Variants in LITAF observed in about 807,000 individuals in gnomAD.
LITAF encodes the protein lipopolysaccharide induced TNF factor.
LITAF carries 9 observed loss-of-function variants against 14.5 expected under a neutral mutation model. The observed-to-expected ratio is 0.62, with a 90% CI of 0.37 to 1.08. The LOEUF (loss-of-function observed/expected upper bound fraction) is 1.08. Among genes scored for constraint, LITAF ranks in the 50% least tolerant of loss-of-function variants. The pLI is 0.01. For missense variants in LITAF, 206 were observed against 213.4 expected, an observed-to-expected ratio of 0.97 and a Z score of 0.22; for synonymous variants, 98 against 88.2, an observed-to-expected ratio of 1.11 and a Z score of -0.62.
In LITAF at chr16:11,635,938, G is replaced by A. The variant is rs78375060; in HGVS notation, c.-134C>T. 2.8e-3 allele frequency: 431 copies of A among 152,436 alleles called. 1 individual carries two copies. The highest frequency in any genetic ancestry group is 3.9e-3 in the Non-Finnish European group (266 of 68,140). The allele number at this position is 152,436 out of a possible 1,614,324, so 9.4% of individuals were successfully genotyped here. A position where few individuals can be genotyped will look rare whatever the true frequency, so the allele number is the denominator to read the frequency against. On this transcript the variant is annotated 5_prime_UTR_variant, in exon 2 of 4. Coordinates refer to the LITAF transcript ENST00000574848. ...ACAAAGACACGGGGTATTTACAGGA[G>A]ATGTGGCTGGAGGGTCTGGAAGAAC...
chr16:11,636,608 TC>T, upstream of LITAF, among the ~76,000 whole-genome samples: 1 of 152,220 alleles, frequency 6.6e-6, no homozygotes, highest in Non-Finnish European at 1.5e-5. Context: ...TGTTGCCTGT[TC>T]CTTTACGGTA....
intron 1 of LITAF, among the ~76,000 whole-genome samples, chr16:11,576,686 G>C (rs2064642224): frequency 6.6e-6 from 1 of 152,026 alleles, no homozygotes. Context: ...AACACAATTT[G>C]CTACTTCAAA....
At chr16:11,633,145 T>C (rs1232406703) in intron 3 of LITAF, among the ~76,000 whole-genome samples, 1 of 152,158 alleles carries the variant, frequency 6.6e-6, no homozygotes, top group Non-Finnish European at 1.5e-5. Context: ...GGAGGCAAGA[T>C]GGGTAGACAT....
upstream of LITAF, among the ~76,000 whole-genome samples, chr16:11,639,126 G>T (rs899684692): frequency 1.3e-5 from 2 of 151,858 alleles, no homozygotes; most frequent in African/African-American, 4.8e-5. Context: ...GTTAGAGGGA[G>T]ACAGGAATGG....
intron 3 of LITAF, among the ~76,000 whole-genome samples, chr16:11,552,915 A>C (rs1031776904): frequency 3.3e-5 from 5 of 151,954 alleles, no homozygotes; most frequent in African/African-American, 1.2e-4. Flanking sequence ...GGAGTTCGAG[A>C]CCAGCCTGGC....
intron 3 of LITAF, among the ~76,000 whole-genome samples, chr16:11,623,253 G>A (rs916688085): frequency 1.3e-5 from 2 of 151,778 alleles, no homozygotes; most frequent in African/African-American, 2.4e-5. Context: ...GAGCCACCGC[G>A]CCCGGCCGAA....
upstream of LITAF, among the ~76,000 whole-genome samples, chr16:11,589,528 A>T (rs1455143790): frequency 6.6e-6 from 1 of 152,212 alleles, no homozygotes; most frequent in Non-Finnish European, 1.5e-5. Context: ...TATATGTAAG[A>T]ACCCTAAAGA....
At chr16:11,575,738 C>T (rs528810723) in intron 1 of LITAF, among the ~76,000 whole-genome samples, 2 of 152,250 alleles carry the variant, frequency 1.3e-5, no homozygotes, top group African/African-American at 4.8e-5. Context: ...TGTCTTCTCC[C>T]GAGAACACAA....
intron 1 of LITAF, among the ~76,000 whole-genome samples, chr16:11,592,456 G>A (rs1447982721): frequency 6.6e-6 from 1 of 151,730 alleles, no homozygotes; most frequent in Non-Finnish European, 1.5e-5. Context: ...GGCACCTGTG[G>A]TCCCAGCTAC....
chr16:11,613,466 G>A (rs573410991), intron 3 of LITAF, among the ~76,000 whole-genome samples: 2 of 152,338 alleles, frequency 1.3e-5, no homozygotes, highest in South Asian at 4.2e-4. Flanking sequence ...TGAGGTGCCA[G>A]AGTGTGTTGT....
chr16:11,581,838 T>C (rs1380363186), intron 1 of LITAF, among the ~76,000 whole-genome samples: 2 of 151,996 alleles, frequency 1.3e-5, no homozygotes, highest in African/African-American at 4.8e-5. Flanking sequence ...AAGTCCGCAC[T>C]CCCCTCGAAA....
At chr16:11,602,365 T>C (rs2064933093), upstream of LITAF, among the ~76,000 whole-genome samples, 1 of 151,928 alleles carries the variant, frequency 6.6e-6, no homozygotes, top group African/African-American at 2.4e-5. Flanking sequence ...CAAAAATATA[T>C]AAATAATAAG....
intron 1 of LITAF, among the ~76,000 whole-genome samples, chr16:11,557,490 C>T (rs576500680): frequency 6.6e-6 from 1 of 152,168 alleles, no homozygotes. Flanking sequence ...AGATCTGTCA[C>T]CCAGGCTACA....
intron 3 of LITAF, among the ~76,000 whole-genome samples, chr16:11,630,298 G>A (rs561962486): frequency 1.3e-5 from 2 of 152,214 alleles, no homozygotes; most frequent in Non-Finnish European, 1.5e-5. Flanking sequence ...TCCTCTCTGA[G>A]GAGCAACTTG....
At chr16:11,619,391 C>G (rs779619684) in intron 3 of LITAF, among the ~76,000 whole-genome samples, 2 of 152,138 alleles carry the variant, frequency 1.3e-5, no homozygotes, top group Non-Finnish European at 2.9e-5. Context: ...GAGGCAAAGA[C>G]CAGTGCCCCA....
chr16:11,568,903 C>T (rs2141777358), intron 1 of LITAF, among the ~76,000 whole-genome samples: 1 of 152,226 alleles, frequency 6.6e-6, no homozygotes, highest in Admixed American at 6.5e-5. Flanking sequence ...TGGTCTCCAA[C>T]TCCTGACCTC....
chr16:11,631,424 C>T (rs2065117265), intron 3 of LITAF, among the ~76,000 whole-genome samples: 1 of 152,150 alleles, frequency 6.6e-6, no homozygotes, highest in Admixed American at 6.5e-5. Context: ...GAGACAGGGT[C>T]TCACTCTGTT....
intron 3 of LITAF, among the ~76,000 whole-genome samples, chr16:11,612,621 C>A (rs998513907): frequency 1.3e-5 from 2 of 152,174 alleles, no homozygotes; most frequent in Non-Finnish European, 2.9e-5. Context: ...TTAACAAGGC[C>A]CAGGCAGGAG....
chr16:11,576,864 C>T (rs2064644944), intron 1 of LITAF, among the ~76,000 whole-genome samples: 1 of 152,312 alleles, frequency 6.6e-6, no homozygotes, highest in Admixed American at 6.5e-5. Context: ...TGCTTACTTC[C>T]TTTGTTCTGG....
Sources: allele counts gnomAD v4.1 joint callset (sites outside exome capture counted in the v4.1 genomes callset), GRCh38; gene constraint gnomAD v4.1.1; transcripts MANE v1.5; gene names NCBI Gene and HGNC (gene_info 2026-07-23, HGNC 2026-07-21).